The following MNS1 variants were observed in gnomAD, a reference collection of about 807,000 sequenced individuals.
MNS1 encodes meiosis-specific nuclear structural protein 1.
A neutral mutation model predicts 72.0 loss-of-function variants in MNS1; 63 were observed. That is an observed-to-expected ratio of 0.87 (90% confidence interval 0.71 to 1.08). The LOEUF (loss-of-function observed/expected upper bound fraction) is 1.08, where lower values mean the gene tolerates loss of function less well. Ranked by LOEUF, MNS1 falls within the 50% of genes least tolerant of loss-of-function variation. MNS1 has a pLI of 0.00. For missense variants in MNS1, 604 were observed against 562.4 expected (o/e 1.07, Z -0.75); for synonymous variants, 188 against 172.1 (o/e 1.09, Z -0.72).
At chr15:56,450,374 TC>T (rs1167940584) in intron 3 of MNS1, among the ~76,000 whole-genome samples, 1 of 152,020 alleles carries the variant, frequency 6.6e-6, no homozygotes, top group African/African-American at 2.4e-5. Flanking sequence ...ACTTTTTCAT[TC>T]CCCCCAAAGA....
chr15:56,440,716 A>G (rs143257468), intron 7 of MNS1, among the ~76,000 whole-genome samples: 1,915 of 152,290 alleles, frequency 0.013, 40 homozygotes, highest in African/African-American at 0.044. Context: ...CAACTTGAAA[A>G]AGTTACATAT....
intron 3 of MNS1, among the ~76,000 whole-genome samples, chr15:56,453,076 A>C (rs1424206733): frequency 6.6e-6 from 1 of 152,180 alleles, no homozygotes; most frequent in African/African-American, 2.4e-5. Flanking sequence ...CAGATATTAC[A>C]GCATGTTTCT....
rs201186164 is a variant in MNS1 at position 56,434,245 on chromosome 15, G to A, written c.1162C>T (p.Arg388Ter). 7 of 1,613,778 alleles carry A rather than the reference G, an allele frequency of 4.3e-6. No homozygotes were observed. Among genetic ancestry groups the A allele is most frequent in the East Asian group, 2.2e-5 (1 of 44,860 alleles). The change falls in exon 8 of 10, where the codon CGA (arginine) becomes TGA (stop). Residue 388 changes from arginine to a stop codon, truncating the protein, a stop_gained. Transcript: ENST00000260453. LOFTEE classifies it high-confidence loss of function. ...TMLAKFAEDD[R>*]IELMNAQKQR... is the part of the protein sequence containing the mutation. ...TTCTGAGCATTCATTAATTCTATTC[G>A]ATCATCCTCAGCAAATTTAGCTAGC...
intron 7 of MNS1, among the ~76,000 whole-genome samples, chr15:56,435,711 G>C (rs1391429546): frequency 6.6e-6 from 1 of 151,876 alleles, no homozygotes; most frequent in Non-Finnish European, 1.5e-5. Flanking sequence ...CCCCAAGTCA[G>C]GATGGTTTCA....
Position 56,456,560 on chromosome 15 carries a change from A to G in MNS1, c.226-39T>C, listed in dbSNP as rs1282066443. On this transcript the variant is annotated intron_variant, in intron 2 of 9. Coordinates refer to ENST00000260453, the MANE Select transcript of MNS1 (RefSeq NM_018365.4). Reference sequence around the variant, plus strand: ...TTAACTTCGTTGTTTGTCCTCTAGAATCAGATTTTTTTCATCAAGGTTGAA... The same window carrying G: ...TTAACTTCGTTGTTTGTCCTCTAGAGTCAGATTTTTTTCATCAAGGTTGAA... 4 of 1,589,112 alleles carry G rather than the reference A, an allele frequency of 2.5e-6. No homozygotes were observed. The African/African-American group carries it at 4.1e-5, about 16-fold the overall frequency.
chr15:56,445,621 T>C (rs1457443848), intron 4 of MNS1: 1 of 152,042 alleles, frequency 6.6e-6, no homozygotes, highest in Non-Finnish European at 1.5e-5. Flanking sequence ...CAATAACATT[T>C]ATGTGTAGAT....
At chr15:56,442,766 A>C (rs1489238283) in intron 7 of MNS1, among the ~76,000 whole-genome samples, 1 of 152,184 alleles carries the variant, frequency 6.6e-6, no homozygotes, top group African/African-American at 2.4e-5. Flanking sequence ...GGTGAGGATC[A>C]ATAAACTACC....
At chr15:56,432,907 T>G (rs16976904) in intron 8 of MNS1, among the ~76,000 whole-genome samples, 1 of 152,208 alleles carries the variant, frequency 6.6e-6, no homozygotes, top group South Asian at 2.1e-4. Context: ...AATTCTTCTC[T>G]TCCTACCGAT....
In MNS1 at chr15:56,443,869, C is replaced by A; in HGVS notation, c.687-15G>T. ...GTTGTTTTTCCCTGAAAAGCAATAACAAGTACAGATTTATAGTAAACAATA... is the reference window on the plus strand; with the variant it reads ...GTTGTTTTTCCCTGAAAAGCAATAAAAAGTACAGATTTATAGTAAACAATA... On this transcript the variant is annotated splice_polypyrimidine_tract_variant and intron_variant, in intron 5 of 9. Coordinates refer to ENST00000260453, the MANE Select transcript of MNS1 (RefSeq NM_018365.4). 6.4e-7 allele frequency: 1 copy of A among 1,558,664 alleles called. No homozygotes were observed. The highest frequency in any genetic ancestry group is 1.4e-5 in the African/African-American group (1 of 72,978).
chr15:56,462,004 T>G (rs1312263696), intron 2 of MNS1, among the ~76,000 whole-genome samples: 5 of 142,112 alleles, frequency 3.5e-5, no homozygotes, highest in South Asian at 2.2e-4. Context: ...TTTTTTTTTT[T>G]TTTTTTGTGG....
At chr15:56,434,101 T>C (rs1455104269) in intron 8 of MNS1, 37 bp downstream of exon 8, 1 of 1,591,864 alleles carries the variant, frequency 6.3e-7, no homozygotes, top group African/African-American at 1.4e-5. Flanking sequence ...TGCTGTTTAA[T>C]GATAATGACC....
rs373287440 is a variant in MNS1, at chr15:56,459,974, G to C, written c.226-3453C>G. Among the ~76,000 whole-genome samples the C allele has an allele frequency of 2.1e-3, 148 of 71,566 alleles. 3 individuals are homozygous for C. Among genetic ancestry groups the C allele is most frequent in the African/African-American group, 8.2e-3 (141 of 17,122 alleles). 47.0% of individuals were successfully genotyped at this position (71,566 alleles called of 152,430 possible). ...CATTGCACTCCAGCCTGGGCAACAA[G>C]AGCGAAATTCTGTCTCAAAAAAAAA... On this transcript the variant is annotated intron_variant, in intron 2 of 9. Transcript: ENST00000260453.
chr15:56,460,242 A>G (rs1461835937), intron 2 of MNS1, among the ~76,000 whole-genome samples: 8 of 151,808 alleles, frequency 5.3e-5, no homozygotes, highest in South Asian at 2.1e-4. Flanking sequence ...TCCAAGGAAC[A>G]TTCCATGAGA....
chr15:56,459,519 CTG>C (rs2051002952), intron 2 of MNS1, among the ~76,000 whole-genome samples: 2 of 152,078 alleles, frequency 1.3e-5, no homozygotes, highest in Non-Finnish European at 1.5e-5. Flanking sequence ...CTTGCAGAAA[CTG>C]AGATAATAAA....
At chr15:56,439,106 G>C (rs992604519) in intron 7 of MNS1, among the ~76,000 whole-genome samples, 1 of 152,050 alleles carries the variant, frequency 6.6e-6, no homozygotes, top group East Asian at 1.9e-4. Context: ...TGAGATACAA[G>C]ATAAACACAA....
intron 9 of MNS1, among the ~76,000 whole-genome samples, chr15:56,430,635 G>C (rs1217257569): frequency 6.6e-6 from 1 of 152,200 alleles, no homozygotes; most frequent in African/African-American, 2.4e-5. Flanking sequence ...CTCAAGCTCA[G>C]TTCAACCATG....
intron 8 of MNS1, among the ~76,000 whole-genome samples, chr15:56,433,676 A>G (rs1317183989): frequency 6.6e-6 from 1 of 152,122 alleles, no homozygotes; most frequent in Non-Finnish European, 1.5e-5. Context: ...TCTCACTTGA[A>G]TCGTCTTTCA....
At chr15:56,435,842 C>A (rs1052549262) in intron 7 of MNS1, among the ~76,000 whole-genome samples, 1 of 151,876 alleles carries the variant, frequency 6.6e-6, no homozygotes, top group Non-Finnish European at 1.5e-5. Flanking sequence ...ACCCCGCTAC[C>A]AATATAAAAA....
At chr15:56,434,961 CCTATAAGCTT>C (rs2140332150) in intron 7 of MNS1, among the ~76,000 whole-genome samples, 1 of 152,122 alleles carries the variant, frequency 6.6e-6, no homozygotes, top group Admixed American at 6.6e-5. Context: ...TAAGTCCTTT[CCTATAAGCTT>C]TTATTTTCTG....
Sources: gnomAD v4.1 joint callset for allele counts (sites outside exome capture counted in the v4.1 genomes callset) on GRCh38, gnomAD v4.1.1 for gene constraint, MANE v1.5 for transcripts, NCBI Gene and HGNC (gene_info 2026-07-23, HGNC 2026-07-21) for gene names.